The following PTPRD variants were observed in gnomAD, a reference collection of about 807,000 sequenced individuals.
The protein encoded by PTPRD is receptor-type tyrosine-protein phosphatase delta.
Under a neutral mutation model 214.5 loss-of-function variants are expected in PTPRD, and 34 were observed. That is an observed-to-expected ratio of 0.16 (90% CI 0.12 to 0.21). PTPRD has a LOEUF of 0.21. Among genes scored for constraint, PTPRD ranks in the 10% least tolerant of loss-of-function variants. The pLI is 1.00. For synonymous variants in PTPRD, 1,128 were observed against 845.7 expected, an observed-to-expected ratio of 1.33 and a Z score of -5.79; for missense variants, 2,545 against 2,398.7, an observed-to-expected ratio of 1.06 and a Z score of -1.27.
chr9:9,234,084 G>A (rs2099964948), intron 9 of PTPRD, among the ~76,000 whole-genome samples: 1 of 152,176 alleles, frequency 6.6e-6, no homozygotes, highest in Non-Finnish European at 1.5e-5. Flanking sequence ...GGTTCTCCAT[G>A]AGGGCTCAGC....
chr9:9,875,276 T>C (rs949512206), intron 5 of PTPRD, among the ~76,000 whole-genome samples: 1 of 152,120 alleles, frequency 6.6e-6, no homozygotes, highest in East Asian at 1.9e-4. Context: ...ACATCACTAA[T>C]AATGCAGTTA....
chr9:8,419,937 C>T (rs2094237912), intron 35 of PTPRD, among the ~76,000 whole-genome samples: 1 of 152,092 alleles, frequency 6.6e-6, no homozygotes, highest in Admixed American at 6.6e-5. Flanking sequence ...CTTTGAAACA[C>T]ACATTTTAGA....
At chr9:9,687,840 T>C (rs1472505359) in intron 7 of PTPRD, among the ~76,000 whole-genome samples, 1 of 151,812 alleles carries the variant, frequency 6.6e-6, no homozygotes, top group Non-Finnish European at 1.5e-5. Flanking sequence ...TACATTATTA[T>C]GGGTGTGTGT....
intron 12 of PTPRD, among the ~76,000 whole-genome samples, chr9:8,664,915 T>C (rs981115973): frequency 6.6e-6 from 1 of 152,216 alleles, no homozygotes; most frequent in South Asian, 2.1e-4. Context: ...AACAGTACAC[T>C]GAAGACCTAA....
At chr9:8,752,863 A>G (rs2093660055) in intron 11 of PTPRD, among the ~76,000 whole-genome samples, 1 of 152,218 alleles carries the variant, frequency 6.6e-6, no homozygotes, top group African/African-American at 2.4e-5. Context: ...AATTGAGATA[A>G]TTAAGTGGGT....
At chr9:8,325,480 T>G (rs1832735177) in intron 44 of PTPRD, among the ~76,000 whole-genome samples, 1 of 148,994 alleles carries the variant, frequency 6.7e-6, no homozygotes, top group African/African-American at 2.5e-5. Context: ...TACCATGCTG[T>G]TTTGGTTACT....
At chr9:8,559,327 T>C (rs1276504688) in intron 14 of PTPRD, among the ~76,000 whole-genome samples, 1 of 152,214 alleles carries the variant, frequency 6.6e-6, no homozygotes, top group African/African-American at 2.4e-5. Flanking sequence ...AATTTTATTG[T>C]ACATTATATA....
chr9:9,379,615 A>C (rs2061643217), intron 9 of PTPRD, among the ~76,000 whole-genome samples: 1 of 152,100 alleles, frequency 6.6e-6, no homozygotes, highest in Non-Finnish European at 1.5e-5. Context: ...GAATCTACAG[A>C]TGAAGTTGGG....
At chr9:9,052,328 G>C (rs1301405135) in intron 10 of PTPRD, among the ~76,000 whole-genome samples, 1 of 152,066 alleles carries the variant, frequency 6.6e-6, no homozygotes, top group African/African-American at 2.4e-5. Flanking sequence ...GGAACATAAA[G>C]ATTTATTCAT....
intron 10 of PTPRD, among the ~76,000 whole-genome samples, chr9:9,092,537 A>C (rs2099777727): frequency 6.6e-6 from 1 of 152,088 alleles, no homozygotes. Flanking sequence ...TAAGTGTAAT[A>C]GTTATTCTAT....
intron 4 of PTPRD, among the ~76,000 whole-genome samples, chr9:10,023,919 T>C (rs939707808): frequency 3.3e-5 from 5 of 152,308 alleles, no homozygotes; most frequent in Admixed American, 2.6e-4. Flanking sequence ...ATAATGATTA[T>C]GAATTACTTC....
At chr9:9,517,117 T>G (rs2096857244) in intron 8 of PTPRD, among the ~76,000 whole-genome samples, 1 of 152,132 alleles carries the variant, frequency 6.6e-6, no homozygotes. Flanking sequence ...AAAACATTAA[T>G]TTATGCTAAA....
At chr9:8,762,077 T>C (rs1025842098) in intron 11 of PTPRD, among the ~76,000 whole-genome samples, 1 of 152,154 alleles carries the variant, frequency 6.6e-6, no homozygotes, top group Non-Finnish European at 1.5e-5. Flanking sequence ...CTTTTTAATG[T>C]CCATACTATA....
intron 2 of PTPRD, among the ~76,000 whole-genome samples, chr9:10,596,707 A>C (rs2076701695): frequency 6.6e-6 from 1 of 151,644 alleles, no homozygotes; most frequent in Non-Finnish European, 1.5e-5. Flanking sequence ...CCTAGTAGTA[A>C]AGAATGGGAA....
intron 44 of PTPRD, among the ~76,000 whole-genome samples, chr9:8,324,189 T>C (rs1485740294): frequency 6.6e-6 from 1 of 151,846 alleles, no homozygotes; most frequent in African/African-American, 2.4e-5. Context: ...CCAGGGTGGT[T>C]TACTGCACCC....
At chr9:10,443,845 T>TCACACACA (rs141638837) in intron 2 of PTPRD, among the ~76,000 whole-genome samples, 2 of 148,614 alleles carry the variant, frequency 1.3e-5, no homozygotes, top group East Asian at 2.0e-4. Flanking sequence ...TACCTCAAAT[T>TCACACACA]CACACACACA....
chr9:10,570,329 AG>A (rs1356713513), intron 2 of PTPRD, among the ~76,000 whole-genome samples: 1 of 152,172 alleles, frequency 6.6e-6, no homozygotes, highest in African/African-American at 2.4e-5. Flanking sequence ...GGCTACTGCA[AG>A]AAAGTGGCCC....
At chr9:10,448,054 T>C (rs1043024719) in intron 2 of PTPRD, among the ~76,000 whole-genome samples, 1 of 152,024 alleles carries the variant, frequency 6.6e-6, no homozygotes, top group Non-Finnish European at 1.5e-5. Context: ...TAAGTATCTC[T>C]ATTTTTTAGT....
intron 12 of PTPRD, among the ~76,000 whole-genome samples, chr9:8,650,285 T>A (rs1441409231): frequency 6.6e-6 from 1 of 151,868 alleles, no homozygotes; most frequent in Non-Finnish European, 1.5e-5. Flanking sequence ...ATCCCAGCAC[T>A]TTGGGAGGCT....
Sources: allele counts gnomAD v4.1 joint callset (sites outside exome capture counted in the v4.1 genomes callset), GRCh38; gene constraint gnomAD v4.1.1; transcripts MANE v1.5; gene names NCBI Gene and HGNC (gene_info 2026-07-23, HGNC 2026-07-21).